Variants in SULT1E1 observed in about 807,000 individuals in gnomAD.
The protein encoded by SULT1E1 is sulfotransferase family 1E member 1, also known as sulfotransferase 1E1.
In SULT1E1, 36 loss-of-function variants were observed where a neutral mutation model predicts 33.6. That is an observed-to-expected ratio of 1.07 (90% confidence interval 0.82 to 1.41). The LOEUF (loss-of-function observed/expected upper bound fraction) is 1.41, where lower values mean the gene tolerates loss of function less well. Ranked by LOEUF, SULT1E1 falls within the 40% of genes most tolerant of loss-of-function variation. The pLI is 0.00. For synonymous variants in SULT1E1, 121 were observed against 111.7 expected (o/e 1.08, Z -0.53); for missense variants, 371 against 345.7 (o/e 1.07, Z -0.58).
chr4:69,828,573 A>AC, the SULT1E1 span, among the ~76,000 whole-genome samples: 4 of 152,094 alleles, frequency 2.6e-5, no homozygotes, highest in African/African-American at 9.7e-5. Flanking sequence ...ACCTTTAAGA[A>AC]CTGTAACAGT....
chr4:69,857,291 T>C (rs1435948582), intron 2 of SULT1E1, among the ~76,000 whole-genome samples: 2 of 152,202 alleles, frequency 1.3e-5, no homozygotes, highest in African/African-American at 2.4e-5. Flanking sequence ...CTAACTGTGC[T>C]CAACAACATC....
At chr4:69,857,694 C>T (rs1192800544) in intron 1 of SULT1E1, 41 bp from the exon 2 acceptor site, 1 of 1,522,174 alleles carries the variant, frequency 6.6e-7, no homozygotes, top group Non-Finnish European at 8.8e-7. Flanking sequence ...ATGTACTTAA[C>T]AATATTTCAC....
In SULT1E1 at chr4:69,855,341, T is replaced by A; in HGVS notation, c.231A>T (p.Arg77=). The A allele has an allele frequency of 1.2e-6, 2 of 1,613,258 alleles. No homozygotes were observed. The highest frequency in any genetic ancestry group is 1.7e-6 in the Non-Finnish European group (2 of 1,179,590). Residue 77 remains arginine, a synonymous_variant, in exon 3 of 8, where the codon CGA becomes CGT. Coordinates refer to ENST00000226444, the MANE Select transcript of SULT1E1 (RefSeq NM_005420.3). The stretch of plus-strand genomic sequence containing the variant: ...CTTTTCTGCATTCCAGGAAAGGTAT[T>A]CGATTAAAAATTACATCTTCTTTGC... ...EKCKEDVIFN[R]IPFLECRKEN...
chr4:69,829,557 G>T, the SULT1E1 span, among the ~76,000 whole-genome samples: 2 of 152,168 alleles, frequency 1.3e-5, no homozygotes, highest in Non-Finnish European at 1.5e-5. Context: ...GACAGTAAGG[G>T]TTAACACCAT....
chr4:69,859,881 T>C (rs1276823174), intron 1 of SULT1E1, among the ~76,000 whole-genome samples, 168 bp downstream of exon 1: 3 of 152,136 alleles, frequency 2.0e-5, no homozygotes, highest in African/African-American at 7.2e-5. Flanking sequence ...TAACAACAAA[T>C]TATTTTAAAA....
chr4:69,834,397 T>G, the SULT1E1 span, among the ~76,000 whole-genome samples: 9 of 152,314 alleles, frequency 5.9e-5, no homozygotes, highest in South Asian at 6.2e-4. Flanking sequence ...TATAACCTTG[T>G]CTTCTCTCAC....
the SULT1E1 span, among the ~76,000 whole-genome samples, chr4:69,827,532 C>A: frequency 3.3e-5 from 5 of 152,148 alleles, no homozygotes; most frequent in African/African-American, 1.2e-4. Context: ...CAAGCAGCTA[C>A]AAGAGGCCTT....
At chr4:69,842,763 T>C (rs983326141) in intron 7 of SULT1E1, among the ~76,000 whole-genome samples, 6 of 152,272 alleles carry the variant, frequency 3.9e-5, no homozygotes, top group South Asian at 4.1e-4. Context: ...ATTATAATAG[T>C]CCAGCAGGCT....
the SULT1E1 span, among the ~76,000 whole-genome samples, chr4:69,829,452 C>A: frequency 3.9e-5 from 6 of 152,194 alleles, no homozygotes; most frequent in African/African-American, 1.4e-4. Context: ...ACTTTCAGCC[C>A]GAACTCTGGG....
downstream of SULT1E1, among the ~76,000 whole-genome samples, chr4:69,836,843 A>C (rs779752888): frequency 4.6e-5 from 7 of 151,972 alleles, no homozygotes; most frequent in Non-Finnish European, 1.0e-4. Flanking sequence ...TGAAATTGTA[A>C]ATTGGAGATT....
chr4:69,821,591 T>C, the SULT1E1 span, among the ~76,000 whole-genome samples: 27,496 of 152,118 alleles, frequency 0.18, 3,201 homozygotes, highest in African/African-American at 0.32. Context: ...TGAAGATCCA[T>C]GGCCATCATA....
the SULT1E1 span, among the ~76,000 whole-genome samples, chr4:69,828,716 C>T: frequency 6.6e-6 from 1 of 152,204 alleles, no homozygotes. Flanking sequence ...CACAAACAGC[C>T]TGCTTCCATT....
At position 69,841,778 on chromosome 4, in the gene SULT1E1, C is replaced by T. The variant is rs1354330252; in HGVS notation, c.*216G>A. ...ATCAATTGAGTCAAGGAGGTCAAGG[C>T]TGCAATCAGCCATGATTGTGCCACT... On this transcript the variant is annotated 3_prime_UTR_variant, in exon 8 of 8. Transcript: ENST00000226444. 3.7e-5 allele frequency: 14 copies of T among 378,262 alleles called. No homozygotes were observed. Among genetic ancestry groups the T allele is most frequent in the Non-Finnish European group, 6.1e-5 (13 of 213,430 alleles). 23.4% of individuals were successfully genotyped at this position (378,262 alleles called of 1,614,324 possible).
At chr4:69,839,627 G>C (rs1720845682), downstream of SULT1E1, among the ~76,000 whole-genome samples, 1 of 152,150 alleles carries the variant, frequency 6.6e-6, no homozygotes, top group Admixed American at 6.5e-5. Context: ...ATTAAGCAAT[G>C]AGGTAAAAAA....
chr4:69,849,725 T>A (rs1721063943), intron 4 of SULT1E1, among the ~76,000 whole-genome samples, 162 bp from the exon 5 acceptor site: 1 of 152,166 alleles, frequency 6.6e-6, no homozygotes, highest in South Asian at 2.1e-4. Context: ...ACATCTTCAA[T>A]AACCTGAGGT....
intron 1 of SULT1E1, among the ~76,000 whole-genome samples, chr4:69,859,416 T>A (rs1721319386): frequency 1.3e-5 from 2 of 152,064 alleles, no homozygotes; most frequent in Admixed American, 1.3e-4. Context: ...TTTCTTAGAT[T>A]TACCTGTATG....
chr4:69,851,342 A>T (rs1296183087), intron 4 of SULT1E1, among the ~76,000 whole-genome samples: 2 of 152,244 alleles, frequency 1.3e-5, no homozygotes, highest in African/African-American at 4.8e-5. Flanking sequence ...TCAAGAGAAG[A>T]CATTTATGCA....
downstream of SULT1E1, among the ~76,000 whole-genome samples, chr4:69,837,453 T>A (rs1388750068): frequency 1.3e-5 from 2 of 152,078 alleles, no homozygotes; most frequent in Admixed American, 1.3e-4. Flanking sequence ...GATCTTTTTA[T>A]GGAGTCAAAG....
chr4:69,847,629 A>T, intron 6 of SULT1E1, 69 bp downstream of exon 6: 1 of 1,049,238 alleles, frequency 9.5e-7, no homozygotes, highest in Non-Finnish European at 1.4e-6. Flanking sequence ...ATATTTTTGT[A>T]TCCAGAGTAT....
Sources: allele counts gnomAD v4.1 joint callset (sites outside exome capture counted in the v4.1 genomes callset), GRCh38; gene constraint gnomAD v4.1.1; transcripts MANE v1.5; gene names NCBI Gene and HGNC (gene_info 2026-07-23, HGNC 2026-07-21).